ARHGAP44: variants seen among roughly 807,000 people sequenced by gnomAD.
ARHGAP44 encodes the protein rho GTPase-activating protein 44.
In ARHGAP44, 43 loss-of-function variants were observed where a neutral mutation model predicts 106.8. That is an observed-to-expected ratio of 0.40 (90% CI 0.32 to 0.52). The LOEUF (loss-of-function observed/expected upper bound fraction) is 0.52, where lower values mean the gene tolerates loss of function less well. Ranked by LOEUF, ARHGAP44 falls within the 20% of genes least tolerant of loss-of-function variation. ARHGAP44 has a pLI of 0.48. For synonymous variants in ARHGAP44, 439 were observed against 410.3 expected (o/e 1.07, Z -0.85); for missense variants, 866 against 1,050.5 (o/e 0.82, Z 2.43).
rs16946673 is a variant in ARHGAP44, at chr17:12,841,232, A to G, written c.53+51341A>G. ...TTGGTGTAAATATGCTATGGAGGAAATTCACCTCGAGAGTGAGGGCCCAGA... is the reference window on the plus strand; with the variant it reads ...TTGGTGTAAATATGCTATGGAGGAAGTTCACCTCGAGAGTGAGGGCCCAGA... On this transcript the variant is annotated intron_variant, in intron 1 of 20. Coordinates refer to ENST00000379672, the MANE Select transcript of ARHGAP44 (RefSeq NM_014859.6). 4.9e-3 allele frequency among the ~76,000 whole-genome samples: 750 copies of G among 152,272 alleles called. 26 individuals carry two copies. In the East Asian group the frequency reaches 0.071, roughly 14 times the overall value.
At chr17:12,900,639 G>A (rs540072689) in intron 3 of ARHGAP44, among the ~76,000 whole-genome samples, 1 of 152,200 alleles carries the variant, frequency 6.6e-6, no homozygotes, top group Non-Finnish European at 1.5e-5. Flanking sequence ...AAGGCGGTGT[G>A]TATGCCAAGT....
At chr17:12,833,094 A>T (rs1484407336) in intron 1 of ARHGAP44, among the ~76,000 whole-genome samples, 1 of 152,198 alleles carries the variant, frequency 6.6e-6, no homozygotes, top group Non-Finnish European at 1.5e-5. Context: ...TAGGGAGACT[A>T]TCCTAGCTAG....
At chr17:12,890,130 G>A (rs960471100) in intron 1 of ARHGAP44, among the ~76,000 whole-genome samples, 2 of 152,034 alleles carry the variant, frequency 1.3e-5, no homozygotes, top group East Asian at 3.9e-4. Flanking sequence ...GCTCCACTAG[G>A]CATTGCCTTA....
At chr17:12,903,659 C>G (rs1006692731) in intron 3 of ARHGAP44, among the ~76,000 whole-genome samples, 3 of 152,016 alleles carry the variant, frequency 2.0e-5, no homozygotes, top group African/African-American at 7.2e-5. Context: ...TGAGTAAGTT[C>G]TTTAGTGGTG....
intron 1 of ARHGAP44, among the ~76,000 whole-genome samples, chr17:12,889,234 T>C (rs925124595): frequency 3.3e-5 from 5 of 152,242 alleles, no homozygotes; most frequent in Non-Finnish European, 7.3e-5. Context: ...ATTCCATTGA[T>C]GTATTTCTTG....
At position 12,944,880 on chromosome 17, in the gene ARHGAP44, T is replaced by A. The variant is rs142083821; in HGVS notation, c.861+684T>A. Among the ~76,000 whole-genome samples the A allele has an allele frequency of 6.0e-3, 911 of 152,182 alleles. 8 individuals are homozygous for A. The highest frequency in any genetic ancestry group is 0.02 in the South Asian group (95 of 4,816). ...CCTCTTGCTTAATAAGTTACCTAAT[T>A]TTAGGTAATTTTAAAGGTTAAGGCT... On this transcript the variant is annotated intron_variant, in intron 10 of 20. Coordinates refer to ENST00000379672, the MANE Select transcript of ARHGAP44 (RefSeq NM_014859.6).
Position 12,984,583 on chromosome 17 carries a change from G to T in ARHGAP44, c.1992G>T (p.Gly664=), listed in dbSNP as rs758008915. 4.4e-6 allele frequency: 7 copies of T among 1,593,948 alleles called. No individual in the cohort carries two copies. Among genetic ancestry groups the T allele is most frequent in the Non-Finnish European group, 6.0e-6 (7 of 1,170,858 alleles). ...IPPKVPFGQP[G]AMADQSAGQP... is the part of the protein sequence containing the mutation. ...CCAAGGTCCCCTTTGGCCAGCCGGG[G>T]GCTATGGCAGACCAGTCCGCTGGCC... Residue 664 remains glycine, a synonymous_variant, in exon 20 of 21, where the codon GGG becomes GGT. Coordinates refer to ENST00000379672, the MANE Select transcript of ARHGAP44 (RefSeq NM_014859.6).
At chr17:12,902,628 T>G (rs1390470080) in intron 3 of ARHGAP44, among the ~76,000 whole-genome samples, 1 of 152,198 alleles carries the variant, frequency 6.6e-6, no homozygotes, top group East Asian at 1.9e-4. Context: ...GGCACAGAAC[T>G]TGCCTACCAC....
intron 20 of ARHGAP44, among the ~76,000 whole-genome samples, chr17:12,989,101 C>CCAAAAAAAAAAA (rs1598173210): frequency 2.2e-5 from 1 of 45,162 alleles, no homozygotes; most frequent in African/African-American, 8.5e-5. Flanking sequence ...CCACCCCCCC[C>CCAAAAAAAAAAA]AAAAAAAAAA....
chr17:12,801,765 A>G (rs1414377056), intron 1 of ARHGAP44, among the ~76,000 whole-genome samples: 2 of 152,240 alleles, frequency 1.3e-5, no homozygotes, highest in African/African-American at 4.8e-5. Context: ...GGAAATCAGG[A>G]AAGACTAGAA....
intron 1 of ARHGAP44, among the ~76,000 whole-genome samples, chr17:12,803,732 C>T (rs781376938): frequency 6.6e-6 from 1 of 152,126 alleles, no homozygotes; most frequent in Non-Finnish European, 1.5e-5. Flanking sequence ...CTCTGACTTC[C>T]CGCAACACAG....
intron 10 of ARHGAP44, among the ~76,000 whole-genome samples, chr17:12,944,459 C>T (rs2038795043): frequency 6.6e-6 from 1 of 151,794 alleles, no homozygotes. Flanking sequence ...CCTGGTTTAA[C>T]ATGTTTGGAT....
chr17:12,968,871 G>A (rs2039458452), intron 16 of ARHGAP44, among the ~76,000 whole-genome samples: 1 of 151,202 alleles, frequency 6.6e-6, no homozygotes, highest in South Asian at 2.1e-4. Flanking sequence ...CCGGGTTCAC[G>A]CCATTCTCCT....
chr17:12,823,190 C>A (rs1356288091), intron 1 of ARHGAP44, among the ~76,000 whole-genome samples: 1 of 152,120 alleles, frequency 6.6e-6, no homozygotes, highest in Non-Finnish European at 1.5e-5. Flanking sequence ...AACCATCAAA[C>A]TCTCTTGAAA....
intron 4 of ARHGAP44, among the ~76,000 whole-genome samples, chr17:12,911,387 A>G (rs921035705): frequency 6.6e-6 from 1 of 152,104 alleles, no homozygotes; most frequent in Non-Finnish European, 1.5e-5. Flanking sequence ...CAACAGCAAC[A>G]CAGTTTTGTG....
chr17:12,829,769 G>A (rs1240796617), intron 1 of ARHGAP44, among the ~76,000 whole-genome samples: 2 of 151,958 alleles, frequency 1.3e-5, no homozygotes, highest in African/African-American at 4.8e-5. Flanking sequence ...TTCTTCATGT[G>A]GCCTTCCTTG....
rs1424477692 is a variant in ARHGAP44, at chr17:12,980,119, C to G, written c.1825C>G (p.Gln609Glu). Residue 609 changes from glutamine (Q) to glutamate (E), a missense_variant, in exon 19 of 21, where the codon CAG becomes GAG. Transcript: ENST00000379672. ...ACAGAAAGGAAGTCCAGGCTCCAGCCAGGGCACAGCCTGTGCAGGGACTCA... is the reference window on the plus strand; with the variant it reads ...ACAGAAAGGAAGTCCAGGCTCCAGCGAGGGCACAGCCTGTGCAGGGACTCA... Reference protein sequence around the residue: ...SAQKGSPGSSQGTACAGTQPG... With the variant: ...SAQKGSPGSSEGTACAGTQPG... 6.2e-7 allele frequency: 1 copy of G among 1,613,956 alleles called. No homozygotes were observed. The highest frequency in any genetic ancestry group is 1.7e-5 in the Admixed American group (1 of 60,020).
chr17:12,866,226 T>C (rs571483438), intron 1 of ARHGAP44, among the ~76,000 whole-genome samples: 64 of 152,170 alleles, frequency 4.2e-4, no homozygotes, highest in African/African-American at 1.5e-3. Context: ...CCTGTATGAA[T>C]TGAATTGAGA....
At chr17:12,908,797 T>TTAATATAATACCTTGGCAAG (rs1245358661) in intron 3 of ARHGAP44, 100 bp from the exon 4 acceptor site, 1 of 894,706 alleles carries the variant, frequency 1.1e-6, no homozygotes, top group Non-Finnish European at 1.8e-6. Context: ...TGTTTCATAG[T>TTAATATAATACCTTGGCAAG]TAATATAATA....
Sources: allele counts gnomAD v4.1 joint callset (sites outside exome capture counted in the v4.1 genomes callset), GRCh38; gene constraint gnomAD v4.1.1; transcripts MANE v1.5; gene names NCBI Gene and HGNC (gene_info 2026-07-23, HGNC 2026-07-21).